FARS2: variants seen among roughly 807,000 people sequenced by gnomAD.
The protein encoded by FARS2 is phenylalanine--tRNA ligase, mitochondrial.
Under a neutral mutation model 46.4 loss-of-function variants are expected in FARS2, and 40 were observed. That is an observed-to-expected ratio of 0.86 (90% confidence interval 0.67 to 1.12). The LOEUF is 1.12. Ranked by LOEUF, FARS2 falls within the 50% of genes most tolerant of loss-of-function variation. The pLI is 0.00. For synonymous variants in FARS2, 234 were observed against 214.9 expected, an observed-to-expected ratio of 1.09 and a Z score of -0.78; for missense variants, 513 against 567.9, an observed-to-expected ratio of 0.90 and a Z score of 0.98.
intron 2 of FARS2, among the ~76,000 whole-genome samples, chr6:5,381,095 G>T (rs1023244712): frequency 6.6e-6 from 1 of 151,462 alleles, no homozygotes; most frequent in African/African-American, 2.4e-5. Context: ...CCACCTCCTG[G>T]GTTCACGCCA....
At chr6:5,362,098 A>C (rs1383602298) in intron 1 of FARS2, among the ~76,000 whole-genome samples, 3 of 152,224 alleles carry the variant, frequency 2.0e-5, no homozygotes, top group African/African-American at 7.2e-5. Context: ...ATACCTTTCG[A>C]AATGTTACTT....
intron 1 of FARS2, among the ~76,000 whole-genome samples, chr6:5,352,842 T>C (rs1348122446): frequency 6.6e-6 from 1 of 152,120 alleles, no homozygotes; most frequent in African/African-American, 2.4e-5. Context: ...CCTTGATACA[T>C]ATACATTGTG....
chr6:5,610,732 T>C (rs944408509), intron 5 of FARS2, among the ~76,000 whole-genome samples: 1 of 152,222 alleles, frequency 6.6e-6, no homozygotes, highest in Non-Finnish European at 1.5e-5. Context: ...AATAATATTG[T>C]ACGTAATCGA....
At chr6:5,495,452 A>C (rs1177221279) in intron 4 of FARS2, among the ~76,000 whole-genome samples, 1 of 152,216 alleles carries the variant, frequency 6.6e-6, no homozygotes, top group African/African-American at 2.4e-5. Flanking sequence ...TATAATTAAA[A>C]GTGAATTGGA....
intron 6 of FARS2, among the ~76,000 whole-genome samples, chr6:5,719,073 T>C (rs1229966415): frequency 1.3e-5 from 2 of 152,130 alleles, no homozygotes; most frequent in Non-Finnish European, 2.9e-5. Flanking sequence ...ACGGATTTAG[T>C]TATGCTCATC....
chr6:5,299,220 T>C (rs1768111342), intron 1 of FARS2, among the ~76,000 whole-genome samples: 1 of 152,244 alleles, frequency 6.6e-6, no homozygotes, highest in African/African-American at 2.4e-5. Context: ...GTGCTGATAT[T>C]TCTGATAGTT....
intron 4 of FARS2, among the ~76,000 whole-genome samples, chr6:5,506,978 A>C (rs985479930): frequency 2.6e-5 from 4 of 152,298 alleles, no homozygotes; most frequent in Middle Eastern, 3.4e-3. Flanking sequence ...TTGATTTTTC[A>C]ACATAGGATG....
chr6:5,276,602 C>T (rs1207347755), intron 1 of FARS2, among the ~76,000 whole-genome samples: 1 of 152,182 alleles, frequency 6.6e-6, no homozygotes, highest in East Asian at 1.9e-4. Flanking sequence ...TTTACTTTCC[C>T]TTTATTCTTT....
chr6:5,307,904 A>G (rs1768828561), intron 1 of FARS2, among the ~76,000 whole-genome samples: 1 of 152,106 alleles, frequency 6.6e-6, no homozygotes, highest in South Asian at 2.1e-4. Context: ...TACACTGCCC[A>G]CATTGCTTTA....
At chr6:5,408,343 G>A (rs896247533) in intron 3 of FARS2, among the ~76,000 whole-genome samples, 1 of 152,100 alleles carries the variant, frequency 6.6e-6, no homozygotes, top group African/African-American at 2.4e-5. Flanking sequence ...AAGGTGGGGG[G>A]GCAGAAGAAT....
At position 5,370,422 on chromosome 6, in the gene FARS2, G is replaced by A. The variant is rs1018784568; in HGVS notation, c.612+1240G>A. On this transcript the variant is annotated intron_variant, in intron 2 of 6. Transcript: ENST00000274680. ...TATTTTCCAAGTTAGGAAAAATAATGATTAATAAGGATATAGATTTATTAG... is the reference window on the plus strand; with the variant it reads ...TATTTTCCAAGTTAGGAAAAATAATAATTAATAAGGATATAGATTTATTAG... Among the ~76,000 whole-genome samples, 5 of 152,016 alleles carry A rather than the reference G, an allele frequency of 3.3e-5. No individual in the cohort carries two copies. In the East Asian group the frequency reaches 9.6e-4, roughly 29 times the overall value.
At chr6:5,342,730 C>G (rs1771744379) in intron 1 of FARS2, among the ~76,000 whole-genome samples, 1 of 145,038 alleles carries the variant, frequency 6.9e-6, no homozygotes, top group African/African-American at 2.6e-5. Flanking sequence ...CCAGCCTGGG[C>G]AACAAGAGCG....
intron 4 of FARS2, among the ~76,000 whole-genome samples, chr6:5,466,271 TC>T (rs910172559): frequency 2.0e-5 from 3 of 152,162 alleles, no homozygotes; most frequent in Non-Finnish European, 4.4e-5. Flanking sequence ...CCTCTGCCCC[TC>T]CTTTTCCATT....
In FARS2 at chr6:5,461,439, T is replaced by C. The variant is rs1200668987; in HGVS notation, c.904+30267T>C. ...ATTGAGGAAAACTTTAGGTAATTAT[T>C]CAAGGATTATTTAGTAAATTTATAG... On this transcript the variant is annotated intron_variant, in intron 4 of 6. Transcript: ENST00000274680. Among the ~76,000 whole-genome samples the C allele has an allele frequency of 5.3e-5, 8 of 152,308 alleles. No homozygotes were observed. The East Asian group carries it at 1.5e-3, about 29-fold the overall frequency.
At chr6:5,661,017 G>T (rs1777829379) in intron 6 of FARS2, among the ~76,000 whole-genome samples, 1 of 152,268 alleles carries the variant, frequency 6.6e-6, no homozygotes, top group Admixed American at 6.5e-5. Context: ...TGAAAGGGAA[G>T]AGTGTGGCTG....
chr6:5,520,199 G>A (rs1422564499), intron 4 of FARS2, among the ~76,000 whole-genome samples: 1 of 152,142 alleles, frequency 6.6e-6, no homozygotes, highest in Non-Finnish European at 1.5e-5. Context: ...TTCATGTGGG[G>A]TTGATTTTTT....
intron 4 of FARS2, 60 bp from the exon 5 acceptor site, chr6:5,545,120 G>C: frequency 1.3e-6 from 2 of 1,533,594 alleles, no homozygotes; most frequent in Non-Finnish European, 1.8e-6. Context: ...TCAGGGAGTG[G>C]TATGAACCTA....
intron 6 of FARS2, among the ~76,000 whole-genome samples, chr6:5,710,647 T>TC (rs1759084838): frequency 6.6e-6 from 1 of 152,090 alleles, no homozygotes; most frequent in African/African-American, 2.4e-5. Context: ...GAGATAGGAA[T>TC]CTGGGACGCG....
chr6:5,257,265 A>G (rs1441090929), upstream of FARS2, among the ~76,000 whole-genome samples: 1 of 151,682 alleles, frequency 6.6e-6, no homozygotes, highest in African/African-American at 2.4e-5. Context: ...CCCCAACCCC[A>G]TCATACTTAC....
Sources: gnomAD v4.1 joint callset for allele counts (sites outside exome capture counted in the v4.1 genomes callset) on GRCh38, gnomAD v4.1.1 for gene constraint, MANE v1.5 for transcripts, NCBI Gene and HGNC (gene_info 2026-07-23, HGNC 2026-07-21) for gene names.